Variants in GK5 observed in about 807,000 individuals in gnomAD.
GK5 encodes ATP:glycerol 3-phosphotransferase 5.
A neutral mutation model predicts 77.3 loss-of-function variants in GK5; 39 were observed. The observed-to-expected ratio is 0.50, with a 90% confidence interval of 0.39 to 0.66. GK5 has a LOEUF of 0.66. GK5 is among the 30% of genes least tolerant of loss of function. The pLI, the probability that GK5 is intolerant of heterozygous loss-of-function variation, is 0.00. For missense variants in GK5, 487 were observed against 633.8 expected (o/e 0.77, Z 2.49); for synonymous variants, 211 against 208.0 (o/e 1.01, Z -0.13).
chr3:142,212,503 T>C (rs896312437), intron 3 of GK5, among the ~76,000 whole-genome samples: 7 of 150,992 alleles, frequency 4.6e-5, no homozygotes, highest in Non-Finnish European at 1.0e-4. Flanking sequence ...GCCACTACAC[T>C]CCAGCCTGGG....
At chr3:142,192,693 G>A (rs551061539) in intron 5 of GK5, among the ~76,000 whole-genome samples, 4 of 151,888 alleles carry the variant, frequency 2.6e-5, no homozygotes, top group Admixed American at 2.6e-4. Context: ...GGACCTGGGA[G>A]GTAGAGGTTG....
chr3:142,159,343 G>A lies in GK5; in HGVS notation c.*6279C>T, dbSNP rs1345211542. On this transcript the variant is annotated 3_prime_UTR_variant, in exon 16 of 16. Transcript: ENST00000392993. ...ATAAAGATAAGATTCATTTAAATGG[G>A]AGTCTCTATATCATTTGTTTCCTAA... 1.3e-5 allele frequency: 2 copies of A among 152,282 alleles called. No individual in the cohort carries two copies. The highest frequency in any genetic ancestry group is 3.9e-4 in the East Asian group (2 of 5,188). The allele number at this position is 152,282 out of a possible 1,614,324, so 9.4% of individuals were successfully genotyped here.
rs377275339 is a variant in GK5, at chr3:142,161,083, GTT to G, written c.*4537_*4538del. 1 of 121,326 alleles carries G rather than the reference GTT, an allele frequency of 8.2e-6. No homozygotes were observed. Among genetic ancestry groups the G allele is most frequent in the Non-Finnish European group, 2.0e-5 (1 of 48,870 alleles). 7.5% of individuals were successfully genotyped at this position (121,326 alleles called of 1,614,324 possible). ...CTCACTACAGAGTAGTTCTTCTTTT[GTT>G]TTTTTGTTTTTGTTTTTGTTTTTGT... On this transcript the variant is annotated 3_prime_UTR_variant, in exon 16 of 16. Coordinates refer to ENST00000392993, the MANE Select transcript of GK5 (RefSeq NM_001039547.3).
chr3:142,219,849 G>A (rs1284754013), intron 1 of GK5, among the ~76,000 whole-genome samples: 1 of 152,128 alleles, frequency 6.6e-6, no homozygotes, highest in Non-Finnish European at 1.5e-5. Flanking sequence ...CACACCTGTA[G>A]TTCCAGCTAC....
intron 15 of GK5, among the ~76,000 whole-genome samples, chr3:142,168,202 ATTTG>A (rs2063495147): frequency 2.0e-5 from 3 of 152,306 alleles, no homozygotes; most frequent in South Asian, 2.1e-4. Flanking sequence ...AATTTATTCA[ATTTG>A]TTTGTTGTTT....
chr3:142,204,790 T>C lies in GK5; in HGVS notation c.318-2A>G, dbSNP rs141726485. On this transcript the variant is annotated splice_acceptor_variant, in intron 3 of 15. Transcript: ENST00000392993. LOFTEE classifies it high-confidence loss of function. Reference sequence around the variant, plus strand: ...TTGTGAAAATGATTTCCTGTTTTCCTAGAAAGAATAAAACAGTATTTTGAG... The same window carrying C: ...TTGTGAAAATGATTTCCTGTTTTCCCAGAAAGAATAAAACAGTATTTTGAG... 219 of 1,504,286 alleles carry C rather than the reference T, an allele frequency of 1.5e-4. No individual in the cohort carries two copies. The highest frequency in any genetic ancestry group is 2.0e-4 in the Non-Finnish European group (214 of 1,094,286). The allele number at this position is 1,504,286 out of a possible 1,614,324, so 93.2% of individuals were successfully genotyped here.
intron 9 of GK5, 181 bp from the exon 10 acceptor site, chr3:142,183,230 C>A: frequency 3.8e-6 from 2 of 523,172 alleles, no homozygotes; most frequent in Non-Finnish European, 6.7e-6. Flanking sequence ...ATAGGAGTCT[C>A]CCTAGGACTA....
chr3:142,171,334 TA>T, intron 14 of GK5, 84 bp downstream of exon 14: 2 of 1,238,994 alleles, frequency 1.6e-6, no homozygotes, highest in South Asian at 1.7e-5. Context: ...ATTCAGGATC[TA>T]AAAAAGAAAT....
At chr3:142,209,525 C>CA (rs1469900552) in intron 3 of GK5, among the ~76,000 whole-genome samples, 1 of 151,704 alleles carries the variant, frequency 6.6e-6, no homozygotes, top group Non-Finnish European at 1.5e-5. Flanking sequence ...TCTCTATCAA[C>CA]AAAAAAAGGA....
At chr3:142,184,566 C>G (rs1262818538) in intron 9 of GK5, 1 of 152,134 alleles carries the variant, frequency 6.6e-6, no homozygotes, top group African/African-American at 2.4e-5. Flanking sequence ...CAAAACTCAT[C>G]TAAAGGCTGG....
At chr3:142,167,412 T>C (rs1314096295) in intron 15 of GK5, among the ~76,000 whole-genome samples, 3 of 152,040 alleles carry the variant, frequency 2.0e-5, no homozygotes, top group African/African-American at 7.2e-5. Flanking sequence ...AATAAAGGTA[T>C]TAATGTAGAC....
intron 4 of GK5, among the ~76,000 whole-genome samples, chr3:142,203,608 G>T (rs1577139197): frequency 6.6e-6 from 1 of 152,064 alleles, no homozygotes; most frequent in African/African-American, 2.4e-5. Flanking sequence ...CCCCGTCTCT[G>T]TTAAAAATAG....
intron 14 of GK5, among the ~76,000 whole-genome samples, 162 bp downstream of exon 14, chr3:142,171,257 G>T (rs913509983): frequency 6.7e-6 from 1 of 149,114 alleles, no homozygotes; most frequent in South Asian, 2.1e-4. Context: ...AAAAAAAAAA[G>T]AATTTTGTTG....
chr3:142,201,030 A>G (rs1411079081), intron 4 of GK5, among the ~76,000 whole-genome samples: 1 of 152,236 alleles, frequency 6.6e-6, no homozygotes. Flanking sequence ...TAACTTATAC[A>G]TTGCTGATGG....
chr3:142,168,101 T>C lies in GK5; in HGVS notation c.1441+2224A>G, dbSNP rs189707193. Among the ~76,000 whole-genome samples the C allele has an allele frequency of 6.2e-4, 94 of 152,330 alleles. No homozygotes were observed. The East Asian group carries it at 0.011, about 18-fold the overall frequency. On this transcript the variant is annotated intron_variant, in intron 15 of 15. Coordinates refer to ENST00000392993, the MANE Select transcript of GK5 (RefSeq NM_001039547.3). ...TAAATGTTCAAGAGAATCTGACTTA[T>C]TTAGTCTTATAAGGTGAAAAGTGTA...
At chr3:142,196,444 A>G (rs1025061846) in intron 5 of GK5, among the ~76,000 whole-genome samples, 1 of 152,094 alleles carries the variant, frequency 6.6e-6, no homozygotes. Flanking sequence ...ACTCTTCTAC[A>G]TGTAATATCA....
At chr3:142,196,260 T>G (rs1560224781) in intron 5 of GK5, among the ~76,000 whole-genome samples, 2 of 152,096 alleles carry the variant, frequency 1.3e-5, no homozygotes, top group Non-Finnish European at 2.9e-5. Context: ...AAGAAGCAAC[T>G]TTCGGTTTTA....
chr3:142,217,286 A>G (rs745576052), intron 1 of GK5, among the ~76,000 whole-genome samples: 5 of 152,218 alleles, frequency 3.3e-5, no homozygotes, highest in Admixed American at 3.3e-4. Context: ...ATCATGAAGA[A>G]TGGCTTAAAT....
At chr3:142,205,137 C>A (rs527296123) in intron 3 of GK5, among the ~76,000 whole-genome samples, 1 of 152,288 alleles carries the variant, frequency 6.6e-6, no homozygotes, top group African/African-American at 2.4e-5. Context: ...AACCTCCTGA[C>A]CTACAGAAGA....
Sources: gnomAD v4.1 joint callset for allele counts (sites outside exome capture counted in the v4.1 genomes callset) on GRCh38, gnomAD v4.1.1 for gene constraint, MANE v1.5 for transcripts, NCBI Gene and HGNC (gene_info 2026-07-23, HGNC 2026-07-21) for gene names.